Variants in OIP5 observed in about 807,000 individuals in gnomAD.
The protein encoded by OIP5 is Opa interacting protein 5.
A neutral mutation model predicts 20.3 loss-of-function variants in OIP5; 24 were observed. The observed-to-expected ratio is 1.18, with a 90% confidence interval of 0.86 to 1.66. OIP5 has a LOEUF of 1.66. Ranked by LOEUF, OIP5 falls within the 40% of genes most tolerant of loss-of-function variation. OIP5 has a pLI of 0.00. For synonymous variants in OIP5, 143 were observed against 121.3 expected, an observed-to-expected ratio of 1.18 and a Z score of -1.17; for missense variants, 339 against 289.5, an observed-to-expected ratio of 1.17 and a Z score of -1.24.
At chr15:41,311,876 CTTTTTT>C (rs74976629) in intron 4 of OIP5, among the ~76,000 whole-genome samples, 1 of 135,810 alleles carries the variant, frequency 7.4e-6, no homozygotes, top group South Asian at 2.4e-4. Flanking sequence ...AATAAGAATT[CTTTTTT>C]TTTTTTTCCA....
intron 2 of OIP5, among the ~76,000 whole-genome samples, chr15:41,322,901 C>T (rs766918703): frequency 4.2e-4 from 64 of 151,736 alleles, no homozygotes; most frequent in Non-Finnish European, 7.1e-4. Context: ...TGCCACTGCA[C>T]TCCAGCCTGG....
chr15:41,322,358 G>A (rs1595502010), intron 2 of OIP5, among the ~76,000 whole-genome samples: 1 of 152,140 alleles, frequency 6.6e-6, no homozygotes. Flanking sequence ...AAAGTGGTTT[G>A]GTAAAGGAAA....
intron 3 of OIP5, among the ~76,000 whole-genome samples, chr15:41,314,108 C>CT (rs905474526): frequency 1.6e-3 from 243 of 147,752 alleles, no homozygotes; most frequent in Middle Eastern, 7.0e-3. Context: ...CTGTTCCTCA[C>CT]TTTTTTTTTT....
chr15:41,329,063 CAAAAAAAAAAAAA>C lies in OIP5; in HGVS notation c.389+2839_389+2851del, dbSNP rs1166517767. Among the ~76,000 whole-genome samples the C allele has an allele frequency of 3.8e-4, 19 of 50,366 alleles. No homozygotes were observed. In the East Asian group the frequency reaches 8.2e-3, roughly 22 times the overall value. The allele number at this position is 50,366 out of a possible 152,430, so 33.0% of individuals were successfully genotyped here. On this transcript the variant is annotated intron_variant, in intron 2 of 4. Transcript: ENST00000220514. ...CCTGGGTCAGAGCAAGACTCCATCT[CAAAAAAAAAAAAA>C]AAAAAAAAAAAAAAAGAATAAAAAG...
At chr15:41,318,847 G>A (rs150068763) in intron 3 of OIP5, among the ~76,000 whole-genome samples, 181 of 150,444 alleles carry the variant, frequency 1.2e-3, no homozygotes, top group African/African-American at 4.2e-3. Context: ...GGGGCACGCC[G>A]CCACATCCAG....
chr15:41,324,022 C>T (rs1274821126), intron 2 of OIP5, among the ~76,000 whole-genome samples: 2 of 112,698 alleles, frequency 1.8e-5, no homozygotes, highest in African/African-American at 7.4e-5. Flanking sequence ...TGGTCTTGCT[C>T]TGTCACCCAC....
intron 3 of OIP5, among the ~76,000 whole-genome samples, chr15:41,317,440 C>T (rs537400293): frequency 6.1e-5 from 9 of 148,450 alleles, no homozygotes; most frequent in African/African-American, 2.2e-4. Flanking sequence ...AGTGCAGTGG[C>T]GCGATCTTGG....
chr15:41,313,399 G>C (rs555572581), intron 3 of OIP5, 45 bp from the exon 4 acceptor site: 1 of 1,075,278 alleles, frequency 9.3e-7, no homozygotes, highest in South Asian at 1.3e-5. Context: ...CCATGGTTAA[G>C]ATTATAAAAG....
At chr15:41,313,099 C>A (rs1321954671) in intron 4 of OIP5, among the ~76,000 whole-genome samples, 174 bp downstream of exon 4, 1 of 152,166 alleles carries the variant, frequency 6.6e-6, no homozygotes, top group African/African-American at 2.4e-5. Flanking sequence ...TGAACTATAC[C>A]TTACAGTGTG....
intron 2 of OIP5, among the ~76,000 whole-genome samples, chr15:41,330,847 C>T (rs1341159634): frequency 6.6e-6 from 1 of 152,042 alleles, no homozygotes; most frequent in African/African-American, 2.4e-5. Context: ...TAGGACAGCA[C>T]GGGTCTAGAT....
At chr15:41,329,729 T>G (rs2047885320) in intron 2 of OIP5, among the ~76,000 whole-genome samples, 1 of 151,540 alleles carries the variant, frequency 6.6e-6, no homozygotes, top group Non-Finnish European at 1.5e-5. Context: ...TGAGGAAGAG[T>G]CTCGCTCTGT....
intron 3 of OIP5, among the ~76,000 whole-genome samples, chr15:41,318,561 G>T (rs1272178660): frequency 1.3e-5 from 2 of 152,136 alleles, no homozygotes; most frequent in Admixed American, 6.6e-5. Context: ...CTCCTGGGTA[G>T]CTAGAATTAC....
chr15:41,329,315 T>A, intron 2 of OIP5, among the ~76,000 whole-genome samples: 1 of 141,990 alleles, frequency 7.0e-6, no homozygotes, highest in African/African-American at 2.8e-5. Context: ...TCCCTCTAGT[T>A]TTTTTTTTTT....
chr15:41,313,879 T>A (rs1316555817), intron 3 of OIP5, among the ~76,000 whole-genome samples: 1 of 152,108 alleles, frequency 6.6e-6, no homozygotes, highest in African/African-American at 2.4e-5. Flanking sequence ...CTGCATTTTC[T>A]TGGAAAAACA....
chr15:41,328,390 A>G (rs1470133145), intron 2 of OIP5, among the ~76,000 whole-genome samples: 1 of 152,244 alleles, frequency 6.6e-6, no homozygotes, highest in Non-Finnish European at 1.5e-5. Context: ...AGGTAGACAG[A>G]GGTTCATTAT....
At chr15:41,317,770 C>G (rs2047797051) in intron 3 of OIP5, among the ~76,000 whole-genome samples, 1 of 152,134 alleles carries the variant, frequency 6.6e-6, no homozygotes, top group Non-Finnish European at 1.5e-5. Flanking sequence ...CCTTGAACTC[C>G]TGGGCTGTAG....
At chr15:41,327,184 A>T (rs1567027873) in intron 2 of OIP5, among the ~76,000 whole-genome samples, 1 of 146,540 alleles carries the variant, frequency 6.8e-6, no homozygotes, top group Non-Finnish European at 1.5e-5. Context: ...GTATGTTTAA[A>T]TTTTTTTTTT....
intron 2 of OIP5, among the ~76,000 whole-genome samples, chr15:41,328,264 C>T (rs2047873990): frequency 6.6e-6 from 1 of 152,118 alleles, no homozygotes; most frequent in Non-Finnish European, 1.5e-5. Context: ...AGTGATCCTC[C>T]CACCTTGGCC....
At chr15:41,318,424 A>C (rs2047801986) in intron 3 of OIP5, among the ~76,000 whole-genome samples, 1 of 151,322 alleles carries the variant, frequency 6.6e-6, no homozygotes, top group Non-Finnish European at 1.5e-5. Context: ...AGCCTCCCAA[A>C]GTGCTGGGAT....
Sources: gnomAD v4.1 joint callset for allele counts (sites outside exome capture counted in the v4.1 genomes callset) on GRCh38, gnomAD v4.1.1 for gene constraint, MANE v1.5 for transcripts, NCBI Gene and HGNC (gene_info 2026-07-23, HGNC 2026-07-21) for gene names.